FBXO40: variants seen among roughly 807,000 people sequenced by gnomAD.
FBXO40 encodes F-box protein 40, also known as F-box only protein 40.
A neutral mutation model predicts 49.9 loss-of-function variants in FBXO40; 50 were observed. That is an observed-to-expected ratio of 1.00 (90% CI 0.80 to 1.27). The LOEUF (loss-of-function observed/expected upper bound fraction) is 1.27. Ranked by LOEUF, FBXO40 falls within the 50% of genes most tolerant of loss-of-function variation. The pLI is 0.00. For synonymous variants in FBXO40, 340 were observed against 320.2 expected (o/e 1.06, Z -0.66); for missense variants, 895 against 870.1 (o/e 1.03, Z -0.36).
At position 121,629,122 on chromosome 3, in the gene FBXO40, G is replaced by A. The variant is rs1271075951; in HGVS notation, c.*2212G>A. The A allele has an allele frequency of 6.6e-6, 1 of 151,840 alleles. No individual in the cohort carries two copies. 9.4% of individuals were successfully genotyped at this position (151,840 alleles called of 1,614,324 possible). ...CAGAGCTGGTGTAGATGAAGTAGGT[G>A]AAACCTCTGAAAAGAGTCTAGAAGG... On this transcript the variant is annotated 3_prime_UTR_variant, in exon 4 of 4. Coordinates refer to ENST00000338040, the MANE Select transcript of FBXO40 (RefSeq NM_016298.4).
At chr3:121,612,268 A>C (rs2048970302) in intron 1 of FBXO40, among the ~76,000 whole-genome samples, 1 of 152,222 alleles carries the variant, frequency 6.6e-6, no homozygotes, top group East Asian at 1.9e-4. Context: ...CAAAGAGTCA[A>C]CTTCGACGGC....
intron 1 of FBXO40, among the ~76,000 whole-genome samples, chr3:121,615,939 T>C (rs4286380): frequency 0.71 from 107,504 of 152,058 alleles, 38,929 homozygotes; most frequent in East Asian, 0.91. Flanking sequence ...TCTTATTAAA[T>C]CAGAGGCCTG....
intron 1 of FBXO40, among the ~76,000 whole-genome samples, chr3:121,616,983 G>A (rs1287819735): frequency 6.6e-6 from 1 of 152,202 alleles, no homozygotes; most frequent in African/African-American, 2.4e-5. Flanking sequence ...GGTAGAGAGT[G>A]AATGATAGTT....
chr3:121,623,382 A>AT lies in FBXO40; in HGVS notation c.1914+45dup, dbSNP rs571053472. The stretch of plus-strand genomic sequence containing the variant: ...CATTTATTGATTGACTCATTCAGCA[A>AT]TTTTTTGTTTCATTTTTTATAGACA... On this transcript the variant is annotated intron_variant, in intron 3 of 3. Transcript: ENST00000338040. The AT allele has an allele frequency of 4.4e-4, 683 of 1,550,356 alleles. 3 individuals carry two copies. The African/African-American group carries it at 8.2e-3, about 19-fold the overall frequency.
chr3:121,596,730 T>C (rs1430824147), intron 1 of FBXO40, among the ~76,000 whole-genome samples: 1 of 152,102 alleles, frequency 6.6e-6, no homozygotes, highest in Non-Finnish European at 1.5e-5. Flanking sequence ...TTTTCTTCAA[T>C]GAGGCCTACA....
At chr3:121,615,585 GAAGA>G (rs1288175852) in intron 1 of FBXO40, among the ~76,000 whole-genome samples, 3 of 143,924 alleles carry the variant, frequency 2.1e-5, no homozygotes, top group Non-Finnish European at 3.0e-5. Flanking sequence ...AAAAGAAGAA[GAAGA>G]AAGAAAGAAA....
At chr3:121,602,246 T>C (rs1327193313) in intron 1 of FBXO40, among the ~76,000 whole-genome samples, 4 of 152,298 alleles carry the variant, frequency 2.6e-5, no homozygotes, top group African/African-American at 7.2e-5. Flanking sequence ...CTATTCTGTT[T>C]TTACTTTCCC....
chr3:121,610,145 C>T (rs899979855), intron 1 of FBXO40, among the ~76,000 whole-genome samples: 4 of 152,174 alleles, frequency 2.6e-5, no homozygotes, highest in Non-Finnish European at 4.4e-5. Context: ...CACAGTGGCT[C>T]GGAGGCCCAG....
intron 1 of FBXO40, among the ~76,000 whole-genome samples, chr3:121,600,164 A>G (rs990417831): frequency 6.7e-6 from 1 of 148,386 alleles, no homozygotes; most frequent in Non-Finnish European, 1.5e-5. Flanking sequence ...CCAAGCAGCT[A>G]AGACTACAGG....
At chr3:121,608,692 G>A (rs566394777) in intron 1 of FBXO40, among the ~76,000 whole-genome samples, 2 of 152,182 alleles carry the variant, frequency 1.3e-5, no homozygotes, top group Non-Finnish European at 1.5e-5. Flanking sequence ...ACCTCCAGGT[G>A]CTGTCCTAAT....
intron 1 of FBXO40, among the ~76,000 whole-genome samples, chr3:121,596,004 C>T (rs539784568): frequency 1.8e-4 from 28 of 152,270 alleles, no homozygotes; most frequent in African/African-American, 6.5e-4. Flanking sequence ...AAAAATATCT[C>T]CCTGACATCA....
At chr3:121,594,357 C>A (rs185420029) in intron 1 of FBXO40, among the ~76,000 whole-genome samples, 1 of 151,564 alleles carries the variant, frequency 6.6e-6, no homozygotes, top group East Asian at 2.0e-4. Flanking sequence ...TGTGCCACCA[C>A]GCCTGGCTAA....
chr3:121,623,530 C>G (rs2049045817), intron 3 of FBXO40, among the ~76,000 whole-genome samples, 187 bp downstream of exon 3: 1 of 152,118 alleles, frequency 6.6e-6, no homozygotes, highest in Admixed American at 6.5e-5. Flanking sequence ...TGCATCACCA[C>G]TTCTGACTAA....
intron 1 of FBXO40, among the ~76,000 whole-genome samples, chr3:121,614,908 A>G (rs2048988496): frequency 6.6e-6 from 1 of 152,356 alleles, no homozygotes; most frequent in South Asian, 2.1e-4. Flanking sequence ...CTCACAGGAA[A>G]GGATTTGAGG....
At position 121,628,950 on chromosome 3, in the gene FBXO40, G is replaced by A. The variant is rs2049078219; in HGVS notation, c.*2040G>A. On this transcript the variant is annotated 3_prime_UTR_variant, in exon 4 of 4. Coordinates refer to ENST00000338040, the MANE Select transcript of FBXO40 (RefSeq NM_016298.4). ...TGTAATTGGTGTCATTTTCCCAGCAGTCCTAGCAGTCCTCAAGCAAGTGGG... is the reference window on the plus strand; with the variant it reads ...TGTAATTGGTGTCATTTTCCCAGCAATCCTAGCAGTCCTCAAGCAAGTGGG... The A allele has an allele frequency of 6.6e-6, 1 of 152,216 alleles. No individual in the cohort carries two copies. The highest frequency in any genetic ancestry group is 2.4e-5 in the African/African-American group (1 of 41,448). The allele number at this position is 152,216 out of a possible 1,614,324, so 9.4% of individuals were successfully genotyped here.
chr3:121,622,012 C>A lies in FBXO40; in HGVS notation c.583C>A (p.Leu195Ile). 6.2e-7 allele frequency: 1 copy of A among 1,614,152 alleles called. No individual in the cohort carries two copies. The highest frequency in any genetic ancestry group is 8.5e-7 in the Non-Finnish European group (1 of 1,180,032). ...AGCAACTAATGGGGAGATGGCAGAGCTAAGTCAAGAAGAACGGGAGGTGCT... is the reference window on the plus strand; with the variant it reads ...AGCAACTAATGGGGAGATGGCAGAGATAAGTCAAGAAGAACGGGAGGTGCT... The part of the protein sequence containing the change: ...LSATNGEMAE[L>I]SQEEREVLAK... Residue 195 changes from leucine to isoleucine, a missense_variant, in exon 3 of 4, where the codon CTA becomes ATA. By Grantham distance (5) the Leu-to-Ile change is conservative. Coordinates refer to ENST00000338040, the MANE Select transcript of FBXO40 (RefSeq NM_016298.4).
chr3:121,618,686 G>A (rs552969474), intron 1 of FBXO40, among the ~76,000 whole-genome samples: 8 of 151,858 alleles, frequency 5.3e-5, no homozygotes, highest in Admixed American at 1.3e-4. Flanking sequence ...TTGAGCCACC[G>A]CGCCTGGCTG....
At chr3:121,593,976 C>T (rs879805527) in intron 1 of FBXO40, among the ~76,000 whole-genome samples, 8 of 152,024 alleles carry the variant, frequency 5.3e-5, no homozygotes, top group Non-Finnish European at 1.0e-4. Flanking sequence ...AGTGATTCTC[C>T]TGCCTCAGCC....
Position 121,622,109 on chromosome 3 carries a change from C to T in FBXO40, c.680C>T (p.Ala227Val). ...QWENIFSKEH[A>V]ASALTNSSAS... ...GAAAATATTTTCAGCAAAGAGCACG[C>T]AGCCTCTGCTTTAACAAATTCATCA... Residue 227 changes from alanine to valine, a missense_variant, in exon 3 of 4, where the codon GCA (alanine) becomes GTA (valine). Ala to Val is a moderately conservative substitution (Grantham distance 64, BLOSUM62 0). Transcript: ENST00000338040. The T allele has an allele frequency of 6.2e-7, 1 of 1,614,220 alleles. No individual in the cohort carries two copies. The highest frequency in any genetic ancestry group is 8.5e-7 in the Non-Finnish European group (1 of 1,180,042).
Sources: allele counts gnomAD v4.1 joint callset (sites outside exome capture counted in the v4.1 genomes callset), GRCh38; gene constraint gnomAD v4.1.1; transcripts MANE v1.5; gene names NCBI Gene and HGNC (gene_info 2026-07-23, HGNC 2026-07-21).